The following NR6A1 variants were observed in gnomAD, a reference collection of about 807,000 sequenced individuals.
NR6A1 encodes the protein retinoic acid receptor-related testis-associated receptor.
In NR6A1, 7 loss-of-function variants were observed where a neutral mutation model predicts 59.1. The ratio of observed to expected loss-of-function variants is 0.12; its 90% CI spans 0.07 to 0.22. The LOEUF (loss-of-function observed/expected upper bound fraction) is 0.22. Among genes scored for constraint, NR6A1 ranks in the 10% least tolerant of loss-of-function variants. The pLI, the probability that NR6A1 is intolerant of heterozygous loss-of-function variation, is 1.00. For synonymous variants in NR6A1, 243 were observed against 236.1 expected, an observed-to-expected ratio of 1.03 and a Z score of -0.27; for missense variants, 468 against 611.6, an observed-to-expected ratio of 0.77 and a Z score of 2.48.
chr9:124,735,054 G>A (rs1471509988), intron 1 of NR6A1, among the ~76,000 whole-genome samples: 1 of 152,156 alleles, frequency 6.6e-6, no homozygotes, highest in African/African-American at 2.4e-5. Flanking sequence ...CTGTTGGCCA[G>A]GCTGGTCTCA....
chr9:124,606,301 C>T (rs1835574236), intron 2 of NR6A1, among the ~76,000 whole-genome samples: 2 of 152,174 alleles, frequency 1.3e-5, no homozygotes, highest in African/African-American at 2.4e-5. Flanking sequence ...CTATGAATGT[C>T]CACCATTTCA....
At chr9:124,707,276 G>A (rs1420679176) in intron 2 of NR6A1, among the ~76,000 whole-genome samples, 2 of 152,028 alleles carry the variant, frequency 1.3e-5, no homozygotes, top group Non-Finnish European at 2.9e-5. Flanking sequence ...CAAACCGGCT[G>A]CTGAGTCCCT....
At chr9:124,539,097 G>C (rs929882558) in intron 5 of NR6A1, among the ~76,000 whole-genome samples, 15 of 151,916 alleles carry the variant, frequency 9.9e-5, no homozygotes, top group Admixed American at 9.2e-4. Context: ...AAAAGACAGA[G>C]TCTTGCCATG....
intron 2 of NR6A1, among the ~76,000 whole-genome samples, chr9:124,587,755 T>C (rs1265121708): frequency 6.6e-6 from 1 of 152,194 alleles, no homozygotes; most frequent in Non-Finnish European, 1.5e-5. Flanking sequence ...AGACCGCAAA[T>C]TATGAAGCTT....
chr9:124,609,930 G>A (rs1835691095), intron 2 of NR6A1, among the ~76,000 whole-genome samples: 1 of 152,178 alleles, frequency 6.6e-6, no homozygotes, highest in Non-Finnish European at 1.5e-5. Context: ...TGGTGTATAG[G>A]AATGCTTGTG....
intron 1 of NR6A1, among the ~76,000 whole-genome samples, chr9:124,759,320 C>T (rs547016866): frequency 3.9e-5 from 6 of 152,306 alleles, no homozygotes; most frequent in Non-Finnish European, 7.4e-5. Flanking sequence ...TTGGCCATCT[C>T]GTCTTAATCT....
chr9:124,699,690 T>G lies in NR6A1; in HGVS notation c.142+33618A>C, dbSNP rs546234729. On this transcript the variant is annotated intron_variant, in intron 2 of 9. Transcript: ENST00000487099. ...TGTTGTAAGTGTATAATTCAATGAC[T>G]TTTATTCATTCATTTATAGACTTGT... Among the ~76,000 whole-genome samples the G allele has an allele frequency of 2.6e-5, 4 of 152,180 alleles. No individual in the cohort carries two copies. In the South Asian group the frequency reaches 6.4e-4, roughly 25 times the overall value.
intron 1 of NR6A1, among the ~76,000 whole-genome samples, chr9:124,760,819 G>A (rs969366947): frequency 3.3e-5 from 5 of 152,236 alleles, no homozygotes; most frequent in African/African-American, 9.6e-5. Context: ...TCGCATAGCT[G>A]TGATCTTTGT....
intron 2 of NR6A1, among the ~76,000 whole-genome samples, chr9:124,642,024 A>T (rs1836780423): frequency 6.6e-6 from 1 of 151,902 alleles, no homozygotes; most frequent in African/African-American, 2.4e-5. Context: ...CTACCACTTA[A>T]CAGCTGAGTG....
intron 2 of NR6A1, among the ~76,000 whole-genome samples, chr9:124,620,766 C>T (rs1221458024): frequency 2.0e-5 from 3 of 150,576 alleles, no homozygotes; most frequent in African/African-American, 4.9e-5. Context: ...CATCGCTCAA[C>T]TGTACAGAGT....
rs79924520 is a variant in NR6A1, at chr9:124,666,720, G to A, written c.142+66588C>T. ...TTTAATCATTCAAAGGATATCTGTT[G>A]ACAGCTTAGTATATCCCAAACCCTG... On this transcript the variant is annotated intron_variant, in intron 2 of 9. Transcript: ENST00000487099. Among the ~76,000 whole-genome samples the A allele has an allele frequency of 9.5e-3, 1,449 of 152,202 alleles. 25 individuals are homozygous for A. Among genetic ancestry groups the A allele is most frequent in the African/African-American group, 0.033 (1,389 of 41,524 alleles).
chr9:124,678,788 T>G (rs1195345196), intron 2 of NR6A1, among the ~76,000 whole-genome samples: 1 of 152,186 alleles, frequency 6.6e-6, no homozygotes, highest in Admixed American at 6.5e-5. Flanking sequence ...TTTTAATCAG[T>G]TTGCTTTCAT....
At chr9:124,555,973 C>T (rs1350314970) in intron 2 of NR6A1, among the ~76,000 whole-genome samples, 1 of 152,146 alleles carries the variant, frequency 6.6e-6, no homozygotes, top group Non-Finnish European at 1.5e-5. Context: ...GTAGTATATA[C>T]AGGAGGGATG....
At chr9:124,657,036 T>C (rs1251835330) in intron 2 of NR6A1, among the ~76,000 whole-genome samples, 1 of 151,946 alleles carries the variant, frequency 6.6e-6, no homozygotes. Flanking sequence ...ACTATACACT[T>C]AAAAATTATT....
chr9:124,709,681 C>G (rs1419817294), intron 2 of NR6A1, among the ~76,000 whole-genome samples: 5 of 152,152 alleles, frequency 3.3e-5, no homozygotes, highest in Admixed American at 3.3e-4. Context: ...CACCTGTAAT[C>G]TCAGCACTTT....
intron 2 of NR6A1, among the ~76,000 whole-genome samples, chr9:124,684,310 C>T (rs534534912): frequency 6.6e-6 from 1 of 152,324 alleles, no homozygotes; most frequent in East Asian, 1.9e-4. Flanking sequence ...GCAAACTAAA[C>T]CCCAAGCCAA....
intron 2 of NR6A1, among the ~76,000 whole-genome samples, chr9:124,588,357 GAGTAC>G (rs1834994811): frequency 6.6e-6 from 1 of 151,756 alleles, no homozygotes; most frequent in Non-Finnish European, 1.5e-5. Context: ...GCCCAGACTG[GAGTAC>G]AGTGGCGCGA....
chr9:124,584,250 G>C (rs1834855428), intron 2 of NR6A1, among the ~76,000 whole-genome samples: 1 of 151,904 alleles, frequency 6.6e-6, no homozygotes, highest in Non-Finnish European at 1.5e-5. Context: ...TGGGATTACA[G>C]GCGTATGCCA....
rs1840672255 is a variant in NR6A1, at chr9:124,757,676, G to A, written c.100+13344C>T. Among the ~76,000 whole-genome samples, 3 of 152,150 alleles carry A rather than the reference G, an allele frequency of 2.0e-5. No individual in the cohort carries two copies. The South Asian group carries it at 6.2e-4, about 32-fold the overall frequency. On this transcript the variant is annotated intron_variant, in intron 1 of 9. Coordinates refer to ENST00000487099, the MANE Select transcript of NR6A1 (RefSeq NM_033334.4). ...CAATTCAAGCACAGACAGACCCTCA[G>A]AAATCACAAGTATTTAAAACCTAAA...
Sources: gnomAD v4.1 joint callset for allele counts (sites outside exome capture counted in the v4.1 genomes callset) on GRCh38, gnomAD v4.1.1 for gene constraint, MANE v1.5 for transcripts, NCBI Gene and HGNC (gene_info 2026-07-23, HGNC 2026-07-21) for gene names.